The following PRKAR1A variants were observed in gnomAD, a reference collection of about 807,000 sequenced individuals.
PRKAR1A encodes cAMP-dependent protein kinase type I-alpha regulatory subunit.
A neutral mutation model predicts 52.0 loss-of-function variants in PRKAR1A; 3 were observed. That is an observed-to-expected ratio of 0.06 (90% CI 0.03 to 0.15). The LOEUF (loss-of-function observed/expected upper bound fraction) is 0.15, where lower values mean the gene tolerates loss of function less well. Ranked by LOEUF, PRKAR1A falls within the 10% of genes least tolerant of loss-of-function variation. The probability of loss-of-function intolerance (pLI) is 1.00; values close to 1 mark genes in which losing one functional copy is unlikely to be tolerated. For missense variants in PRKAR1A, 240 were observed against 477.4 expected (o/e 0.50, Z 4.63); for synonymous variants, 188 against 168.4 (o/e 1.12, Z -0.90).
At chr17:68,514,153 T>G (rs2085357130) in intron 1 of PRKAR1A, among the ~76,000 whole-genome samples, 1 of 152,266 alleles carries the variant, frequency 6.6e-6, no homozygotes, top group African/African-American at 2.4e-5. Context: ...CCACGAACTT[T>G]CTAATGGTCT....
At chr17:68,428,927 C>T in the PRKAR1A span, 1 of 1,613,676 alleles carries the variant, frequency 6.2e-7, no homozygotes, top group Non-Finnish European at 8.5e-7. Context: ...GCCGTGGCAA[C>T]TTCTGGATCC....
chr17:68,532,356 C>A lies in PRKAR1A; in HGVS notation c.*1907C>A. The A allele has an allele frequency of 9.5e-7, 1 of 1,055,640 alleles. No homozygotes were observed. The highest frequency in any genetic ancestry group is 5.0e-5 in the East Asian group (1 of 19,884). 65.4% of individuals were successfully genotyped at this position (1,055,640 alleles called of 1,614,324 possible). A position where few individuals can be genotyped will look rare whatever the true frequency, so the allele number is the denominator to read the frequency against. On this transcript the variant is annotated 3_prime_UTR_variant, in exon 11 of 11. Coordinates refer to ENST00000589228, the MANE Select transcript of PRKAR1A (RefSeq NM_002734.5). Reference sequence around the variant, plus strand: ...AATCATGCTCATGTATATTTAGTTACGTATAATGCTTTCTGAGTGAGTTTT... The same window carrying A: ...AATCATGCTCATGTATATTTAGTTAAGTATAATGCTTTCTGAGTGAGTTTT...
the PRKAR1A span, among the ~76,000 whole-genome samples, chr17:68,466,880 A>T: frequency 6.6e-6 from 1 of 152,060 alleles, no homozygotes; most frequent in African/African-American, 2.4e-5. Context: ...CATTTCCATC[A>T]CTCCGAAAGA....
chr17:68,532,434 A>T lies in PRKAR1A; in HGVS notation c.*1985A>T. 1 of 1,060,874 alleles carries T rather than the reference A, an allele frequency of 9.4e-7. No individual in the cohort carries two copies. The highest frequency in any genetic ancestry group is 1.1e-6 in the Non-Finnish European group (1 of 875,032). 65.7% of individuals were successfully genotyped at this position (1,060,874 alleles called of 1,614,324 possible). On this transcript the variant is annotated 3_prime_UTR_variant, in exon 11 of 11. Coordinates refer to ENST00000589228, the MANE Select transcript of PRKAR1A (RefSeq NM_002734.5). ...TGGCTTGCTGTTTACTCCCTTCTGT[A>T]GTTTTTAATTAAAAACTTTAAAGAT...
rs939627351 is a variant in PRKAR1A at position 68,544,824 on chromosome 17, G to A, written c.974-6260G>A. Among the ~76,000 whole-genome samples the A allele has an allele frequency of 9.2e-5, 14 of 152,240 alleles. 1 individual carries two copies. The South Asian group carries it at 1.9e-3, about 20-fold the overall frequency. ...TTTAATTCCTGAGTCCCATCTGTAG[G>A]AACATATCATCTTTCAGACACCTTT... On this transcript the variant is annotated intron_variant, in intron 11 of 11. Transcript: ENST00000585981.
At position 68,539,753 on chromosome 17, in the gene PRKAR1A, G is replaced by A. The variant is rs555583174; in HGVS notation, c.973+9752G>A. 86 of 812,656 alleles carry A rather than the reference G, an allele frequency of 1.1e-4. 2 individuals carry two copies. In the South Asian group the frequency reaches 1.2e-3, roughly 11 times the overall value. The allele number at this position is 812,656 out of a possible 1,614,324, so 50.3% of individuals were successfully genotyped here. ...GAGAAAGAAGGAAATGGAAGAAGCC[G>A]GGCTCGAAGGAGACAAGGCACGTGG... On this transcript the variant is annotated intron_variant, in intron 11 of 11. Transcript: ENST00000585981.
chr17:68,531,549 T>A lies in PRKAR1A; in HGVS notation c.*1100T>A. Reference sequence around the variant, plus strand: ...TGAGATTTTGGAAGAAGTTTTTTACTTTGGTTTAGTCTTTTTTTCCTTCCT... The same window carrying A: ...TGAGATTTTGGAAGAAGTTTTTTACATTGGTTTAGTCTTTTTTTCCTTCCT... On this transcript the variant is annotated 3_prime_UTR_variant, in exon 11 of 11. Coordinates refer to ENST00000589228, the MANE Select transcript of PRKAR1A (RefSeq NM_002734.5). The A allele has an allele frequency of 9.4e-7, 1 of 1,066,378 alleles. No homozygotes were observed. The allele number at this position is 1,066,378 out of a possible 1,614,324, so 66.1% of individuals were successfully genotyped here.
At chr17:68,537,798 T>C, downstream of PRKAR1A, 1 of 1,551,748 alleles carries the variant, frequency 6.4e-7, no homozygotes, top group Non-Finnish European at 8.7e-7. The surrounding 1 kb of genome is among the most constrained non-coding windows in gnomAD (Gnocchi z 4.2). Flanking sequence ...ATAACTTGCC[T>C]GAACTTCTTT....
At chr17:68,501,429 A>G in the PRKAR1A span, among the ~76,000 whole-genome samples, 1 of 152,224 alleles carries the variant, frequency 6.6e-6, no homozygotes. Context: ...TATAATCAAT[A>G]AGCTGATGAT....
At chr17:68,427,491 C>T in the PRKAR1A span, 8 of 308,324 alleles carry the variant, frequency 2.6e-5, no homozygotes, top group South Asian at 1.6e-4. Flanking sequence ...CGAGTAGCTG[C>T]GACTACAGGC....
chr17:68,511,085 T>A (rs1050165692), upstream of PRKAR1A, among the ~76,000 whole-genome samples: 1 of 152,262 alleles, frequency 6.6e-6, no homozygotes, highest in African/African-American at 2.4e-5. Flanking sequence ...ACTATTGAGC[T>A]ACTTTTTTGT....
chr17:68,499,709 G>A, the PRKAR1A span, among the ~76,000 whole-genome samples: 2 of 152,258 alleles, frequency 1.3e-5, no homozygotes, highest in Non-Finnish European at 2.9e-5. Context: ...AATTGCTTGT[G>A]TTGGTCCTCT....
the PRKAR1A span, chr17:68,427,010 G>A: frequency 2.6e-6 from 2 of 756,182 alleles, no homozygotes. Context: ...CAGTGAAGGG[G>A]GAAGGGGAGG....
chr17:68,541,575 G>A (rs758091017), intron 11 of PRKAR1A: 5 of 196,380 alleles, frequency 2.5e-5, no homozygotes, highest in Non-Finnish European at 4.2e-5. Context: ...TGGGGATACA[G>A]CAGTGAGGTC....
chr17:68,541,671 G>C (rs1464029889), intron 11 of PRKAR1A: 2 of 168,204 alleles, frequency 1.2e-5, no homozygotes, highest in Non-Finnish European at 1.2e-5. Context: ...GTGCTGTGCT[G>C]TGTTTTCGTG....
chr17:68,548,068 A>T (rs1468277000), intron 11 of PRKAR1A, among the ~76,000 whole-genome samples: 1 of 152,030 alleles, frequency 6.6e-6, no homozygotes, highest in East Asian at 1.9e-4. Flanking sequence ...ACTGGGAGAG[A>T]TTGGGGGAAC....
chr17:68,440,928 G>A, the PRKAR1A span: 1 of 152,212 alleles, frequency 6.6e-6, no homozygotes, highest in Non-Finnish European at 1.5e-5. Flanking sequence ...TCTTTGTACA[G>A]CAAATGCCCT....
the PRKAR1A span, among the ~76,000 whole-genome samples, chr17:68,423,343 G>A: frequency 1.3e-5 from 2 of 152,156 alleles, no homozygotes; most frequent in Non-Finnish European, 2.9e-5. The surrounding 1 kb of genome is among the most constrained non-coding windows in gnomAD (Gnocchi z 4.4). Flanking sequence ...CATGCCTCTG[G>A]TCCTTACATG....
chr17:68,486,565 CTT>C, the PRKAR1A span, among the ~76,000 whole-genome samples: 17 of 129,742 alleles, frequency 1.3e-4, no homozygotes, highest in African/African-American at 4.4e-4. Flanking sequence ...TTCTTTCTTT[CTT>C]TCTTCTTTCC....
Sources: allele counts gnomAD v4.1 joint callset (sites outside exome capture counted in the v4.1 genomes callset), GRCh38; gene constraint gnomAD v4.1.1; non-coding constraint Gnocchi (gnomAD v3.1); transcripts MANE v1.5; gene names NCBI Gene and HGNC (gene_info 2026-07-23, HGNC 2026-07-21).